Variants in ERCC8 observed in about 807,000 individuals in gnomAD.
The protein encoded by ERCC8 is ERCC excision repair 8, CSA ubiquitin ligase complex subunit.
Under a neutral mutation model 54.9 loss-of-function variants are expected in ERCC8, and 52 were observed. That is an observed-to-expected ratio of 0.95 (90% CI 0.76 to 1.19). ERCC8 has a LOEUF of 1.19. Ranked by LOEUF, ERCC8 falls within the 50% of genes most tolerant of loss-of-function variation. The pLI is 0.00. For missense variants in ERCC8, 514 were observed against 466.1 expected (o/e 1.10, Z -0.95); for synonymous variants, 146 against 157.2 (o/e 0.93, Z 0.53).
intron 4 of ERCC8, among the ~76,000 whole-genome samples, chr5:60,908,215 C>A (rs1657011238): frequency 6.6e-6 from 1 of 151,586 alleles, no homozygotes; most frequent in African/African-American, 2.4e-5. Context: ...TTTCAGAGTT[C>A]AGATTTTTTT....
At position 60,878,379 on chromosome 5, in the gene ERCC8, A is replaced by G. The variant is rs547336101; in HGVS notation, c.1123-3696T>C. Among the ~76,000 whole-genome samples the G allele has an allele frequency of 2.1e-3, 325 of 152,152 alleles. 2 individuals carry two copies. Among genetic ancestry groups the G allele is most frequent in the Non-Finnish European group, 3.3e-3 (225 of 67,982 alleles). On this transcript the variant is annotated intron_variant, in intron 11 of 11. Coordinates refer to ENST00000676185, the MANE Select transcript of ERCC8 (RefSeq NM_000082.4). The stretch of plus-strand genomic sequence containing the variant: ...AGGCTTTGGTATCAGGATGATGCTG[A>G]CCTCATCAAATGAGTTAGGGAGGAT...
chr5:60,875,472 G>C (rs1340014376), intron 11 of ERCC8, among the ~76,000 whole-genome samples: 2 of 152,082 alleles, frequency 1.3e-5, no homozygotes, highest in Non-Finnish European at 2.9e-5. Context: ...AGTTCATTTT[G>C]GGGAAAACTT....
chr5:60,901,120 C>A (rs1287407750), intron 7 of ERCC8, among the ~76,000 whole-genome samples: 1 of 151,862 alleles, frequency 6.6e-6, no homozygotes, highest in African/African-American at 2.4e-5. Flanking sequence ...CGTAATAATT[C>A]TTCTTCTACT....
chr5:60,927,202 C>T (rs1749774010), intron 2 of ERCC8, among the ~76,000 whole-genome samples: 1 of 152,174 alleles, frequency 6.6e-6, no homozygotes, highest in Admixed American at 6.5e-5. Context: ...AAAATCTCTG[C>T]CAGATTTGTG....
At chr5:60,903,591 T>C in intron 6 of ERCC8, 57 bp downstream of exon 6, 1 of 1,608,214 alleles carries the variant, frequency 6.2e-7, no homozygotes, top group Non-Finnish European at 8.5e-7. Flanking sequence ...TAGTAACGTT[T>C]CTTTTTATTG....
At chr5:60,900,985 A>G (rs1194123201) in intron 7 of ERCC8, 1 of 152,072 alleles carries the variant, frequency 6.6e-6, no homozygotes, top group Admixed American at 6.6e-5. Flanking sequence ...ATAAATTTCA[A>G]CATCACATTC....
Position 60,872,283 on chromosome 5 carries a change from CA to C in ERCC8, c.*2331del, listed in dbSNP as rs2112449191. On this transcript the variant is annotated 3_prime_UTR_variant, in exon 12 of 12. Transcript: ENST00000676185. ...GGATACGATCTCAAAAGCACAGTAA[CA>C]AAAGCACAAGTACAGAAATGAAATT... 6.6e-6 allele frequency among the ~76,000 whole-genome samples: 1 copy of C among 152,040 alleles called. No individual in the cohort carries two copies. Among genetic ancestry groups the C allele is most frequent in the South Asian group, 2.1e-4 (1 of 4,816 alleles).
chr5:60,894,664 A>G (rs1748671249), intron 9 of ERCC8, among the ~76,000 whole-genome samples: 1 of 152,174 alleles, frequency 6.6e-6, no homozygotes, highest in Non-Finnish European at 1.5e-5. Flanking sequence ...CCTACCGAAA[A>G]TAATCTTCAT....
In ERCC8 at chr5:60,944,914, A is replaced by C; in HGVS notation, c.77+18T>G. On this transcript the variant is annotated intron_variant, in intron 1 of 11. Transcript: ENST00000676185. ...GATTCTAACTGGCCTGTTAGCCAAA[A>C]AGTAAGGTTTTCTTTACCTCCGTGT... The C allele has an allele frequency of 1.2e-6, 2 of 1,602,644 alleles. No individual in the cohort carries two copies. Among genetic ancestry groups the C allele is most frequent in the East Asian group, 2.2e-5 (1 of 44,814 alleles).
At chr5:60,880,779 A>T (rs1044542219) in intron 11 of ERCC8, among the ~76,000 whole-genome samples, 2 of 151,986 alleles carry the variant, frequency 1.3e-5, no homozygotes, top group African/African-American at 2.4e-5. Flanking sequence ...ATTTTTTTTC[A>T]AGGTTTTTAA....
rs1747850804 is a variant in ERCC8, at chr5:60,870,962, C to T, written c.*3653G>A. Among the ~76,000 whole-genome samples, 1 of 151,898 alleles carries T rather than the reference C, an allele frequency of 6.6e-6. No individual in the cohort carries two copies. The highest frequency in any genetic ancestry group is 1.9e-4 in the East Asian group (1 of 5,190). ...GCTTCCAGCTGTAACGAATGAATTC[C>T]CTACAAAGGGAAAAAAAACCAAAGT... On this transcript the variant is annotated 3_prime_UTR_variant, in exon 12 of 12. Transcript: ENST00000676185.
At chr5:60,944,014 C>G (rs979994559) in intron 1 of ERCC8, among the ~76,000 whole-genome samples, 1 of 152,204 alleles carries the variant, frequency 6.6e-6, no homozygotes, top group Non-Finnish European at 1.5e-5. Context: ...TAAATATCTT[C>G]ACAGGTTCCT....
chr5:60,891,093 G>C lies in ERCC8; in HGVS notation c.844-7C>G. ...AAACTTTTCCATAGTTCACCTGTAG[G>C]ATTAAAATAATAAGGTTACTCATCT... is the stretch of plus-strand genomic sequence containing the variant. On this transcript the variant is annotated splice_region_variant and splice_polypyrimidine_tract_variant and intron_variant, in intron 9 of 11. Transcript: ENST00000676185. 6.4e-7 allele frequency: 1 copy of C among 1,566,826 alleles called. No homozygotes were observed.
intron 9 of ERCC8, among the ~76,000 whole-genome samples, chr5:60,896,017 G>T (rs895574071): frequency 1.3e-5 from 2 of 151,350 alleles, no homozygotes; most frequent in South Asian, 4.2e-4. Flanking sequence ...CGGAGTTTTC[G>T]CTCTTATTGC....
At chr5:60,894,833 A>G (rs1011550045) in intron 9 of ERCC8, among the ~76,000 whole-genome samples, 5 of 152,194 alleles carry the variant, frequency 3.3e-5, no homozygotes, top group African/African-American at 1.2e-4. Flanking sequence ...ATGATCATGC[A>G]TATCAACAAA....
rs2112486053 is a variant in ERCC8 at position 60,898,393 on chromosome 5, A to C, written c.726T>G (p.Thr242=). 1 of 1,613,522 alleles carries C rather than the reference A, an allele frequency of 6.2e-7. No homozygotes were observed. Residue 242 remains threonine (T), a synonymous_variant, in exon 9 of 12, where the codon ACT becomes ACG. Coordinates refer to ENST00000676185, the MANE Select transcript of ERCC8 (RefSeq NM_000082.4). The stretch of plus-strand genomic sequence containing the variant: ...AGCCATTAACTTTCCCATTATGAGC[A>C]GTGTTTGCTGCAATGAAAAACATAG... The part of the protein sequence containing the change: ...KKSQAVESAN[T]AHNGKVNGLC...
At chr5:60,895,198 C>CT (rs1033805090) in intron 9 of ERCC8, among the ~76,000 whole-genome samples, 8 of 145,696 alleles carry the variant, frequency 5.5e-5, no homozygotes, top group East Asian at 4.0e-4. Flanking sequence ...AAGGGATTCA[C>CT]TTTTTTTTCT....
intron 8 of ERCC8, among the ~76,000 whole-genome samples, chr5:60,898,842 A>T (rs113995393): frequency 6.6e-6 from 1 of 150,772 alleles, no homozygotes; most frequent in African/African-American, 2.4e-5. Context: ...CAAAATTTAT[A>T]TCACTTACAA....
chr5:60,898,442 C>A, intron 8 of ERCC8, 42 bp from the exon 9 acceptor site: 1 of 1,609,148 alleles, frequency 6.2e-7, no homozygotes, highest in South Asian at 1.1e-5. Flanking sequence ...TTCTTGTATT[C>A]AGGACATATT....
Sources: gnomAD v4.1 joint callset for allele counts (sites outside exome capture counted in the v4.1 genomes callset) on GRCh38, gnomAD v4.1.1 for gene constraint, MANE v1.5 for transcripts, NCBI Gene and HGNC (gene_info 2026-07-23, HGNC 2026-07-21) for gene names.